VPS39: variants seen among roughly 807,000 people sequenced by gnomAD.
VPS39 encodes the protein VPS39 subunit of HOPS complex, also known as vam6/Vps39-like protein.
In VPS39, 70 loss-of-function variants were observed where a neutral mutation model predicts 121.0. The observed-to-expected ratio is 0.58, with a 90% confidence interval of 0.48 to 0.71. VPS39 has a LOEUF of 0.71. Among genes scored for constraint, VPS39 ranks in the 30% least tolerant of loss-of-function variants. The pLI, the probability that VPS39 is intolerant of heterozygous loss-of-function variation, is 0.00. For synonymous variants in VPS39, 378 were observed against 398.1 expected, an observed-to-expected ratio of 0.95 and a Z score of 0.60; for missense variants, 818 against 1,051.5, an observed-to-expected ratio of 0.78 and a Z score of 3.07.
At chr15:42,164,588 G>A in intron 18 of VPS39, 102 bp from the exon 19 acceptor site, 5 of 1,502,610 alleles carry the variant, frequency 3.3e-6, no homozygotes, top group Non-Finnish European at 4.4e-6. Context: ...GTCACCACAT[G>A]ACCAGAAAGG....
intron 2 of VPS39, among the ~76,000 whole-genome samples, chr15:42,198,820 C>A (rs1051989085): frequency 6.6e-6 from 1 of 152,170 alleles, no homozygotes; most frequent in African/African-American, 2.4e-5. Context: ...AGTAACAACA[C>A]TGCAAAGCCT....
In VPS39 at chr15:42,161,726, TGTG is replaced by T. The variant is rs1232197615; in HGVS notation, c.2505_2507del (p.Thr836del). ...TACACACCATGCACACCTTCTCCTCTGTGATGATGCACTTCACCTGCTGGTGTA... is the reference window on the plus strand; with the variant it reads ...TACACACCATGCACACCTTCTCCTCTATGATGCACTTCACCTGCTGGTGTA... On this transcript the variant is annotated inframe_deletion, in exon 24 of 25. Transcript: ENST00000318006. 1 of 1,614,250 alleles carries T rather than the reference TGTG, an allele frequency of 6.2e-7. No homozygotes were observed. Among genetic ancestry groups the T allele is most frequent in the Non-Finnish European group, 8.5e-7 (1 of 1,180,048 alleles).
At chr15:42,161,961 G>A in intron 23 of VPS39, 71 bp downstream of exon 23, 1 of 1,605,132 alleles carries the variant, frequency 6.2e-7, no homozygotes, top group East Asian at 2.2e-5. Flanking sequence ...TTGGTCAGAA[G>A]GGAACATGTG....
chr15:42,162,774 C>G (rs2049158502), intron 21 of VPS39: 1 of 276,918 alleles, frequency 3.6e-6, no homozygotes, highest in African/African-American at 2.2e-5. Context: ...TCCTCATTTC[C>G]TTTGGCTTTA....
rs1019006175 is a variant in VPS39 at position 42,160,157 on chromosome 15, G to T, written c.*597C>A. ...GTTATTCCCAGAGTCAGGGAAGTGG[G>T]AGAGAAAGCCTGGGTAGGGCAGTGA... On this transcript the variant is annotated 3_prime_UTR_variant, in exon 25 of 25. Transcript: ENST00000318006. 2 of 152,868 alleles carry T rather than the reference G, an allele frequency of 1.3e-5. No individual in the cohort carries two copies. Among genetic ancestry groups the T allele is most frequent in the African/African-American group, 4.8e-5 (2 of 41,464 alleles). The allele number at this position is 152,868 out of a possible 1,614,324, so 9.5% of individuals were successfully genotyped here.
chr15:42,200,262 G>A (rs113144057), intron 1 of VPS39, among the ~76,000 whole-genome samples: 57 of 151,624 alleles, frequency 3.8e-4, no homozygotes, highest in Admixed American at 1.0e-3. Flanking sequence ...AAGATAGAAG[G>A]GCTTTGTATT....
intron 8 of VPS39, among the ~76,000 whole-genome samples, chr15:42,179,575 CAATAAATAAATAAATAAATAAATAAATA>C (rs372735737): frequency 1.9e-5 from 2 of 108,058 alleles, no homozygotes; most frequent in Non-Finnish European, 1.9e-5. Flanking sequence ...GACTCCATCT[CAATAAATAAATAAATAAATAAATAAATA>C]AATAAATAAA....
chr15:42,164,754 C>A, intron 18 of VPS39: 1 of 1,429,884 alleles, frequency 7.0e-7, no homozygotes, highest in Non-Finnish European at 9.1e-7. Context: ...GCAGACAGGT[C>A]TGTTCCTTCC....
At chr15:42,169,916 G>A in intron 11 of VPS39, 50 bp from the exon 12 acceptor site, 1 of 1,555,862 alleles carries the variant, frequency 6.4e-7, no homozygotes, top group South Asian at 1.2e-5. Context: ...CAACAATTTA[G>A]GGATAAAATA....
chr15:42,165,107 T>A lies in VPS39; in HGVS notation c.1786A>T (p.Ile596Phe). Residue 596 changes from isoleucine (I) to phenylalanine (F), a missense_variant, in exon 18 of 25, where the codon ATC (isoleucine) becomes TTC (phenylalanine). Transcript: ENST00000318006. The stretch of plus-strand genomic sequence containing the variant: ...CCTGTCTCCTCCCAAACATGGATGA[T>A]GTGTTCCTGAGGCAAGATGTAGGTC... ...KGLAIPYLEH[I>F]IHVWEETGSR... 1 of 1,614,198 alleles carries A rather than the reference T, an allele frequency of 6.2e-7. No individual in the cohort carries two copies. Among genetic ancestry groups the A allele is most frequent in the Non-Finnish European group, 8.5e-7 (1 of 1,180,018 alleles).
chr15:42,188,851 A>G (rs2049760353), intron 5 of VPS39, among the ~76,000 whole-genome samples: 2 of 152,194 alleles, frequency 1.3e-5, no homozygotes, highest in South Asian at 4.1e-4. Context: ...CTGTAGTCCC[A>G]GCTACACAGG....
chr15:42,174,951 G>A (rs1472857330), intron 10 of VPS39, among the ~76,000 whole-genome samples: 2 of 151,670 alleles, frequency 1.3e-5, no homozygotes, highest in Non-Finnish European at 2.9e-5. Flanking sequence ...TCCAGTTTGG[G>A]TGACAGAGCG....
intron 1 of VPS39, among the ~76,000 whole-genome samples, chr15:42,201,597 G>A (rs889820487): frequency 6.6e-6 from 1 of 151,736 alleles, no homozygotes; most frequent in Non-Finnish European, 1.5e-5. Flanking sequence ...TGATTTAGTA[G>A]GTTTAAAAGT....
At chr15:42,181,967 G>A (rs576134036) in intron 8 of VPS39, among the ~76,000 whole-genome samples, 2 of 152,322 alleles carry the variant, frequency 1.3e-5, no homozygotes, top group Non-Finnish European at 2.9e-5. Context: ...TCCTGCCTCA[G>A]CCTCCCAATG....
At chr15:42,192,283 T>C (rs2049844640) in intron 2 of VPS39, among the ~76,000 whole-genome samples, 1 of 152,104 alleles carries the variant, frequency 6.6e-6, no homozygotes, top group Non-Finnish European at 1.5e-5. Context: ...GGTTTAAAAA[T>C]TTATATATAT....
chr15:42,194,966 T>A (rs2049906072), intron 2 of VPS39, among the ~76,000 whole-genome samples: 1 of 151,912 alleles, frequency 6.6e-6, no homozygotes, highest in Non-Finnish European at 1.5e-5. Context: ...AACGAAATGT[T>A]TTAGTGTTTC....
At chr15:42,183,122 C>A (rs879180016) in intron 8 of VPS39, among the ~76,000 whole-genome samples, 1 of 148,868 alleles carries the variant, frequency 6.7e-6, no homozygotes, top group Non-Finnish European at 1.5e-5. Flanking sequence ...TTTTTTGAGG[C>A]GGGAGTCTTG....
chr15:42,196,466 T>C (rs1469861184), intron 2 of VPS39, among the ~76,000 whole-genome samples: 2 of 151,724 alleles, frequency 1.3e-5, no homozygotes, highest in Non-Finnish European at 2.9e-5. Flanking sequence ...AAATCAAACT[T>C]ACAAGAAAAA....
intron 10 of VPS39, 40 bp from the exon 11 acceptor site, chr15:42,173,892 A>G (rs1405666079): frequency 1.9e-6 from 3 of 1,609,782 alleles, no homozygotes; most frequent in African/African-American, 2.7e-5. Flanking sequence ...CACTCACTCA[A>G]CAAATATTGT....
Sources: allele counts gnomAD v4.1 joint callset (sites outside exome capture counted in the v4.1 genomes callset), GRCh38; gene constraint gnomAD v4.1.1; transcripts MANE v1.5; gene names NCBI Gene and HGNC (gene_info 2026-07-23, HGNC 2026-07-21).